The following FUT8 variants were observed in gnomAD, a reference collection of about 807,000 sequenced individuals.
FUT8 encodes fucosyltransferase 8, also known as alpha-(1,6)-fucosyltransferase.
A neutral mutation model predicts 71.3 loss-of-function variants in FUT8; 29 were observed. That is an observed-to-expected ratio of 0.41 (90% CI 0.30 to 0.55). The LOEUF (loss-of-function observed/expected upper bound fraction) is 0.55, where lower values mean the gene tolerates loss of function less well. FUT8 is among the 20% of genes least tolerant of loss of function. The pLI, the probability that FUT8 is intolerant of heterozygous loss-of-function variation, is 0.34. For synonymous variants in FUT8, 254 were observed against 239.3 expected, an observed-to-expected ratio of 1.06 and a Z score of -0.57; for missense variants, 544 against 702.1, an observed-to-expected ratio of 0.77 and a Z score of 2.55.
At chr14:65,606,824 A>T (rs912177883) in intron 3 of FUT8, among the ~76,000 whole-genome samples, 4 of 151,904 alleles carry the variant, frequency 2.6e-5, no homozygotes, top group Non-Finnish European at 5.9e-5. Context: ...AAATTTAATT[A>T]AAAAATCCTT....
At chr14:65,733,521 C>T (rs551369230) in intron 10 of FUT8, 140 bp downstream of exon 10, 44 of 549,172 alleles carry the variant, frequency 8.0e-5, no homozygotes, top group Non-Finnish European at 1.2e-4. Flanking sequence ...AGTAATGATC[C>T]CTTTTGTGAA....
At chr14:65,590,987 T>G (rs1228024374) in intron 3 of FUT8, among the ~76,000 whole-genome samples, 1 of 152,150 alleles carries the variant, frequency 6.6e-6, no homozygotes, top group Non-Finnish European at 1.5e-5. Flanking sequence ...CAGTTTGTGT[T>G]CTTTTACCTA....
chr14:65,669,343 T>C lies in FUT8; in HGVS notation c.698T>C (p.Ile233Thr). Residue 233 changes from isoleucine to threonine, a missense_variant, in exon 7 of 11, where the codon ATT becomes ACT. Physicochemically the swap from Ile to Thr is moderately conservative, Grantham distance 89 (BLOSUM62 -1). Transcript: ENST00000673929. This position sits in a 1 kb window ranked among gnomAD's most constrained non-coding sequence, Gnocchi z 4.5. The part of the protein sequence containing the change: ...QLHHVVYCFM[I>T]AYGTQRTLIL... Reference sequence around the variant, plus strand: ...CATCATGTGGTCTACTGCTTCATGATTGCATATGGCACCCAGCGAACACTC... The same window carrying C: ...CATCATGTGGTCTACTGCTTCATGACTGCATATGGCACCCAGCGAACACTC... The C allele has an allele frequency of 6.2e-7, 1 of 1,613,918 alleles. No individual in the cohort carries two copies. The highest frequency in any genetic ancestry group is 8.5e-7 in the Non-Finnish European group (1 of 1,179,876).
intron 3 of FUT8, among the ~76,000 whole-genome samples, chr14:65,600,181 T>C (rs956611425): frequency 3.9e-5 from 6 of 152,360 alleles, no homozygotes; most frequent in Non-Finnish European, 7.4e-5. Context: ...CAAAACCTGT[T>C]TGTAAAAGAT....
intron 7 of FUT8, among the ~76,000 whole-genome samples, chr14:65,672,277 C>A (rs1892510134): frequency 6.6e-6 from 1 of 152,118 alleles, no homozygotes; most frequent in Non-Finnish European, 1.5e-5. Context: ...AGTTTATGTG[C>A]CCTAAGGTTG....
the FUT8 span, among the ~76,000 whole-genome samples, chr14:65,399,755 T>C: frequency 2.0e-5 from 3 of 152,232 alleles, no homozygotes; most frequent in African/African-American, 7.2e-5. Flanking sequence ...TCTTCTATTA[T>C]TTAGGAATGG....
At chr14:65,366,938 T>C in the FUT8 span, among the ~76,000 whole-genome samples, 1 of 152,148 alleles carries the variant, frequency 6.6e-6, no homozygotes, top group African/African-American at 2.4e-5. Flanking sequence ...CAGAGACTAC[T>C]GGAAAAGAAA....
At chr14:65,502,913 G>A (rs1294994644) in intron 2 of FUT8, among the ~76,000 whole-genome samples, 1 of 152,180 alleles carries the variant, frequency 6.6e-6, no homozygotes, top group African/African-American at 2.4e-5. Context: ...CAAGCTCCCA[G>A]GGGAGGCTGG....
intron 1 of FUT8, among the ~76,000 whole-genome samples, chr14:65,439,594 C>T (rs974875640): frequency 5.3e-5 from 8 of 152,020 alleles, no homozygotes; most frequent in Admixed American, 5.2e-4. Flanking sequence ...GGGTTCCTAG[C>T]TGGTACATAA....
intron 1 of FUT8, among the ~76,000 whole-genome samples, chr14:65,432,307 G>T (rs2065488351): frequency 6.6e-6 from 1 of 152,030 alleles, no homozygotes; most frequent in Non-Finnish European, 1.5e-5. Context: ...TCCAGCTGGA[G>T]ATTGTCATCT....
At chr14:65,657,685 G>T (rs1051657291) in intron 6 of FUT8, among the ~76,000 whole-genome samples, 2 of 152,116 alleles carry the variant, frequency 1.3e-5, no homozygotes, top group African/African-American at 4.8e-5. Context: ...GGGAAGGGTA[G>T]TTGTGGGGGC....
At chr14:65,430,539 T>A (rs889511355) in intron 1 of FUT8, among the ~76,000 whole-genome samples, 2 of 152,170 alleles carry the variant, frequency 1.3e-5, no homozygotes, top group African/African-American at 2.4e-5. Context: ...GTCATAATAG[T>A]AAATGAGCAG....
intron 3 of FUT8, among the ~76,000 whole-genome samples, chr14:65,594,892 G>A (rs1010028922): frequency 6.6e-6 from 1 of 152,198 alleles, no homozygotes; most frequent in Non-Finnish European, 1.5e-5. Flanking sequence ...TGGGGGTTGG[G>A]ACGGGCCATA....
At position 65,483,736 on chromosome 14, in the gene FUT8, GAC is replaced by G. The variant is rs2066366760; in HGVS notation, c.-228+28020_-228+28021del. Among the ~76,000 whole-genome samples the G allele has an allele frequency of 6.7e-6, 1 of 148,540 alleles. No individual in the cohort carries two copies. Among genetic ancestry groups the G allele is most frequent in the Non-Finnish European group, 1.5e-5 (1 of 67,450 alleles). ...TAACATATCAATTTTTTTTTTTTGA[GAC>G]AGAGTTATTGGCCAAGTGTGGTCAG... On this transcript the variant is annotated intron_variant, in intron 2 of 10. Transcript: ENST00000673929. This position sits in a 1 kb window ranked among gnomAD's most constrained non-coding sequence, Gnocchi z 4.4.
chr14:65,390,442 C>T, the FUT8 span, among the ~76,000 whole-genome samples: 2 of 151,548 alleles, frequency 1.3e-5, no homozygotes, highest in Non-Finnish European at 2.9e-5. Context: ...GAGAGGTTCA[C>T]TTTTCCTTTT....
At chr14:65,625,421 T>C (rs966882245) in intron 5 of FUT8, among the ~76,000 whole-genome samples, 4 of 152,198 alleles carry the variant, frequency 2.6e-5, no homozygotes, top group Admixed American at 1.3e-4. Flanking sequence ...AGTTTTATAA[T>C]CTGAAAAAAC....
intron 2 of FUT8, among the ~76,000 whole-genome samples, chr14:65,514,565 A>G (rs1307064737): frequency 6.6e-6 from 1 of 152,210 alleles, no homozygotes; most frequent in Non-Finnish European, 1.5e-5. Context: ...CATCTTATCT[A>G]TCATTGTTGA....
intron 2 of FUT8, among the ~76,000 whole-genome samples, chr14:65,485,152 CAT>C (rs2066390072): frequency 2.0e-5 from 3 of 151,580 alleles, no homozygotes; most frequent in South Asian, 4.2e-4. Flanking sequence ...CCCTGGCCAA[CAT>C]AGTAATACTT....
At chr14:65,710,962 TA>T in intron 7 of FUT8, among the ~76,000 whole-genome samples, 1 of 152,150 alleles carries the variant, frequency 6.6e-6, no homozygotes, top group East Asian at 1.9e-4. Flanking sequence ...GGGCTCTTTT[TA>T]ACAATCAGTT....
Sources: gnomAD v4.1 joint callset for allele counts (sites outside exome capture counted in the v4.1 genomes callset) on GRCh38, gnomAD v4.1.1 for gene constraint, Gnocchi (gnomAD v3.1) non-coding constraint, MANE v1.5 for transcripts, NCBI Gene and HGNC (gene_info 2026-07-23, HGNC 2026-07-21) for gene names.